The following CFAP70 variants were observed in gnomAD, a reference collection of about 807,000 sequenced individuals.
CFAP70 encodes the protein cilia and flagella associated protein 70.
In CFAP70, 81 loss-of-function variants were observed where a neutral mutation model predicts 137.6. The ratio of observed to expected loss-of-function variants is 0.59; its 90% confidence interval spans 0.49 to 0.71. The LOEUF (loss-of-function observed/expected upper bound fraction) is 0.71. Ranked by LOEUF, CFAP70 falls within the 30% of genes least tolerant of loss-of-function variation. The probability of loss-of-function intolerance (pLI) is 0.00; values close to 1 mark genes in which losing one functional copy is unlikely to be tolerated. For missense variants in CFAP70, 976 were observed against 1,226.7 expected, an observed-to-expected ratio of 0.80 and a Z score of 3.05; for synonymous variants, 382 against 423.6, an observed-to-expected ratio of 0.90 and a Z score of 1.20.
rs533790673 is a variant in CFAP70 at position 73,303,662 on chromosome 10, A to G, written c.1257-3997T>C. ...AAAAACATTTAAACATTGATAAACC[A>G]CAGTTTTTAAAGTACTATATAGAGT... On this transcript the variant is annotated intron_variant, in intron 12 of 26. Transcript: ENST00000310715. Among the ~76,000 whole-genome samples the G allele has an allele frequency of 1.8e-3, 268 of 152,352 alleles. 1 individual carries two copies. The highest frequency in any genetic ancestry group is 6.0e-3 in the African/African-American group (250 of 41,578).
chr10:73,255,514 AC>A, intron 26 of CFAP70, among the ~76,000 whole-genome samples: 1 of 152,192 alleles, frequency 6.6e-6, no homozygotes, highest in African/African-American at 2.4e-5. Flanking sequence ...AGATCGTGCT[AC>A]TGCACTCCAG....
At chr10:73,354,797 A>G in exon 2 of CFAP70, 1 of 1,613,930 alleles carries the variant, frequency 6.2e-7, no homozygotes, top group Non-Finnish European at 8.5e-7. Flanking sequence ...CTTGCTCCAT[A>G]TCACCAACTG....
rs771948462 is a variant in CFAP70 at position 73,293,258 on chromosome 10, A to G, written c.1770+5T>C. ...GTAACAATCACTGGGAAGATGTTTA[A>G]TTACCTCTTTATAATATGCTGCTGC... On this transcript the variant is annotated splice_donor_5th_base_variant and intron_variant, in intron 16 of 26. Coordinates refer to ENST00000310715, the Ensembl canonical transcript of CFAP70. 8.7e-6 allele frequency: 14 copies of G among 1,600,378 alleles called. No individual in the cohort carries two copies. In the South Asian group the frequency reaches 1.5e-4, roughly 17 times the overall value.
intron 9 of CFAP70, among the ~76,000 whole-genome samples, chr10:73,319,205 G>C (rs1395075982): frequency 1.3e-5 from 2 of 152,160 alleles, no homozygotes; most frequent in Non-Finnish European, 2.9e-5. Context: ...TTCTTTCTGA[G>C]CTTCAGACCC....
At chr10:73,263,959 A>G (rs2045518871) in intron 25 of CFAP70, among the ~76,000 whole-genome samples, 1 of 152,104 alleles carries the variant, frequency 6.6e-6, no homozygotes, top group African/African-American at 2.4e-5. Flanking sequence ...TATTTGTTTA[A>G]TTATATCACT....
intron 7 of CFAP70, among the ~76,000 whole-genome samples, chr10:73,334,102 A>C (rs765695922): frequency 4.6e-5 from 7 of 152,200 alleles, no homozygotes; most frequent in Non-Finnish European, 8.8e-5. Flanking sequence ...TTAAAGTCAG[A>C]GTTGTTCATT....
chr10:73,276,317 G>C (rs1029478860), intron 21 of CFAP70: 18 of 151,818 alleles, frequency 1.2e-4, no homozygotes, highest in African/African-American at 3.6e-4. Context: ...TTAAGTCGAG[G>C]GTAAATCCTT....
rs557921413 is a variant in CFAP70, at chr10:73,306,876, T to C, written c.1256+3282A>G. On this transcript the variant is annotated intron_variant, in intron 12 of 26. Transcript: ENST00000310715. ...CCTTCAGGCTGAAATGACAGGACAC[T>C]AGTCAGTAACTTGAAGTCAGATGAA... 3.9e-5 allele frequency among the ~76,000 whole-genome samples: 6 copies of C among 152,278 alleles called. No homozygotes were observed. In the South Asian group the frequency reaches 6.2e-4, roughly 16 times the overall value.
chr10:73,329,446 T>C (rs936096661), intron 8 of CFAP70, among the ~76,000 whole-genome samples: 1 of 152,068 alleles, frequency 6.6e-6, no homozygotes, highest in Non-Finnish European at 1.5e-5. Context: ...CATATGTAAC[T>C]AACCTGCACA....
intron 9 of CFAP70, among the ~76,000 whole-genome samples, chr10:73,319,462 C>T (rs1161421839): frequency 6.6e-6 from 1 of 152,170 alleles, no homozygotes. Context: ...CACTTGCAAG[C>T]CCCCCTACCC....
At chr10:73,277,340 G>A (rs551423264) in exon 21 of CFAP70, 1 of 1,613,882 alleles carries the variant, frequency 6.2e-7, no homozygotes, top group Non-Finnish European at 8.5e-7. Flanking sequence ...AAGAGCTGAT[G>A]AATCTTGACA....
intron 9 of CFAP70, among the ~76,000 whole-genome samples, chr10:73,313,504 C>T (rs2050098509): frequency 6.7e-6 from 1 of 148,258 alleles, no homozygotes; most frequent in Non-Finnish European, 1.5e-5. Context: ...GACTACACCA[C>T]TGCATTCCAG....
At chr10:73,272,671 C>T in intron 24 of CFAP70, 1 of 542,454 alleles carries the variant, frequency 1.8e-6, no homozygotes, top group South Asian at 2.0e-5. Flanking sequence ...AGTGTCTATA[C>T]CAAATAACAT....
chr10:73,264,154 C>G (rs924019007), intron 25 of CFAP70, among the ~76,000 whole-genome samples: 1 of 152,152 alleles, frequency 6.6e-6, no homozygotes, highest in Non-Finnish European at 1.5e-5. Flanking sequence ...TCTGACTCAA[C>G]AAGATCTCAG....
intron 15 of CFAP70, chr10:73,293,604 C>T (rs2048330381): frequency 2.4e-6 from 1 of 423,102 alleles, no homozygotes; most frequent in South Asian, 4.8e-5. Flanking sequence ...TGAATACCAA[C>T]AGTCTGAGCT....
intron 25 of CFAP70, among the ~76,000 whole-genome samples, chr10:73,260,028 A>C (rs1185512383): frequency 1.4e-5 from 2 of 144,694 alleles, no homozygotes; most frequent in Non-Finnish European, 3.1e-5. Context: ...ACCCTGTCTC[A>C]AAAAAAAAAG....
At chr10:73,349,352 A>G (rs2053997666) in intron 3 of CFAP70, among the ~76,000 whole-genome samples, 1 of 152,076 alleles carries the variant, frequency 6.6e-6, no homozygotes, top group Admixed American at 6.5e-5. Context: ...ATCCTGGCTA[A>G]CACAATGAAA....
At chr10:73,323,581 G>C (rs1401177406) in intron 8 of CFAP70, among the ~76,000 whole-genome samples, 1 of 152,210 alleles carries the variant, frequency 6.6e-6, no homozygotes, top group African/African-American at 2.4e-5. Context: ...TCAAAGAAAG[G>C]GGTGACAGAC....
intron 4 of CFAP70, 64 bp downstream of exon 5, chr10:73,348,092 A>G: frequency 6.9e-7 from 1 of 1,448,966 alleles, no homozygotes. Context: ...TTGAACCTTA[A>G]TAGCAGACAG....
Sources: allele counts gnomAD v4.1 joint callset (sites outside exome capture counted in the v4.1 genomes callset), GRCh38; gene constraint gnomAD v4.1.1; transcripts MANE v1.5; gene names NCBI Gene and HGNC (gene_info 2026-07-23, HGNC 2026-07-21).